Variants in ADAMTSL1 observed in about 807,000 individuals in gnomAD.
The protein encoded by ADAMTSL1 is ADAMTS-like protein 1.
A neutral mutation model predicts 201.8 loss-of-function variants in ADAMTSL1; 126 were observed. The ratio of observed to expected loss-of-function variants is 0.62; its 90% confidence interval spans 0.54 to 0.72. ADAMTSL1 has a LOEUF of 0.72. Ranked by LOEUF, ADAMTSL1 falls within the 30% of genes least tolerant of loss-of-function variation. The pLI, the probability that ADAMTSL1 is intolerant of heterozygous loss-of-function variation, is 0.00. For missense variants in ADAMTSL1, 2,679 were observed against 2,277.8 expected (o/e 1.18, Z -3.59); for synonymous variants, 1,121 against 903.4 (o/e 1.24, Z -4.32).
intron 2 of ADAMTSL1, among the ~76,000 whole-genome samples, chr9:18,520,045 A>G (rs900592359): frequency 6.6e-6 from 1 of 152,192 alleles, no homozygotes; most frequent in Admixed American, 6.5e-5. Context: ...ATTGGCAGTG[A>G]TTTTTCTAGT....
At chr9:18,497,445 A>C (rs1421227518) in intron 1 of ADAMTSL1, among the ~76,000 whole-genome samples, 1 of 152,198 alleles carries the variant, frequency 6.6e-6, no homozygotes, top group Non-Finnish European at 1.5e-5. Flanking sequence ...TTATTATCAC[A>C]GAAAAAGAGA....
chr9:18,379,097 A>C (rs867694873), intron 2 of ADAMTSL1, among the ~76,000 whole-genome samples: 6 of 152,218 alleles, frequency 3.9e-5, no homozygotes, highest in Admixed American at 3.3e-4. Flanking sequence ...GAAAGTAAGA[A>C]GGGTAGTCAC....
intron 2 of ADAMTSL1, among the ~76,000 whole-genome samples, chr9:18,448,692 CTT>C (rs1319981797): frequency 6.6e-6 from 1 of 152,060 alleles, no homozygotes. Context: ...ATCTCATTTT[CTT>C]TTCTCTTTAG....
intron 16 of ADAMTSL1, 128 bp downstream of exon 16, chr9:18,753,636 T>A (rs1290163676): frequency 9.8e-7 from 1 of 1,024,600 alleles, no homozygotes; most frequent in Non-Finnish European, 1.5e-6. Context: ...ATTTCTCCCT[T>A]CTTAGTACTC....
chr9:18,245,861 T>C (rs1831242038), intron 2 of ADAMTSL1, among the ~76,000 whole-genome samples: 1 of 152,188 alleles, frequency 6.6e-6, no homozygotes, highest in Admixed American at 6.5e-5. Flanking sequence ...CATTTTTTGG[T>C]TGTCCTTTGC....
chr9:18,847,191 G>A (rs111688434), intron 23 of ADAMTSL1, among the ~76,000 whole-genome samples: 4 of 152,182 alleles, frequency 2.6e-5, no homozygotes, highest in African/African-American at 9.7e-5. Context: ...TCTATAGGCT[G>A]CACAGGAAAT....
At chr9:18,625,112 A>G (rs1006239015) in intron 5 of ADAMTSL1, among the ~76,000 whole-genome samples, 4 of 152,198 alleles carry the variant, frequency 2.6e-5, no homozygotes, top group Non-Finnish European at 4.4e-5. Flanking sequence ...GGCCCAGTGG[A>G]GAAGCCAGGT....
At position 18,013,999 on chromosome 9, in the gene ADAMTSL1, G is replaced by T. The variant is rs1053528156; in HGVS notation, c.87+107077G>T. Among the ~76,000 whole-genome samples, 4 of 151,990 alleles carry T rather than the reference G, an allele frequency of 2.6e-5. No homozygotes were observed. In the South Asian group the frequency reaches 6.2e-4, roughly 24 times the overall value. On this transcript the variant is annotated intron_variant, in intron 1 of 29. Coordinates refer to the ADAMTSL1 transcript ENST00000680146. ...CTTTTGAAATCTGTTCCCTCAGAAG[G>T]TTTTCTCATGCCACCTTCCAGAGAT...
chr9:18,531,553 T>G (rs1819447151), intron 2 of ADAMTSL1, among the ~76,000 whole-genome samples: 1 of 152,190 alleles, frequency 6.6e-6, no homozygotes, highest in Non-Finnish European at 1.5e-5. Flanking sequence ...CTGATTACAG[T>G]CAAGTCTTTA....
intron 13 of ADAMTSL1, among the ~76,000 whole-genome samples, chr9:18,687,992 T>G (rs1274747495): frequency 6.6e-6 from 1 of 152,074 alleles, no homozygotes; most frequent in Non-Finnish European, 1.5e-5. Context: ...AAGCTGAATC[T>G]TCAACTCAAA....
intron 15 of ADAMTSL1, among the ~76,000 whole-genome samples, chr9:18,725,764 C>A (rs1035130233): frequency 6.6e-6 from 1 of 152,116 alleles, no homozygotes; most frequent in Non-Finnish European, 1.5e-5. Flanking sequence ...CCAGAGATAA[C>A]CATTGTTAAT....
intron 2 of ADAMTSL1, among the ~76,000 whole-genome samples, chr9:18,227,513 C>CAAGCTGTGTTTG (rs1399266986): frequency 1.3e-5 from 2 of 152,154 alleles, no homozygotes; most frequent in Non-Finnish European, 2.9e-5. Context: ...ACCTTAGAAA[C>CAAGCTGTGTTTG]AAGCTGTGTT....
chr9:18,397,383 G>C (rs1817797676), intron 2 of ADAMTSL1, among the ~76,000 whole-genome samples: 1 of 151,948 alleles, frequency 6.6e-6, no homozygotes, highest in African/African-American at 2.4e-5. Flanking sequence ...TGATACCATT[G>C]AATCCATGAT....
intron 13 of ADAMTSL1, among the ~76,000 whole-genome samples, chr9:18,687,190 A>G (rs961633497): frequency 1.3e-5 from 2 of 152,216 alleles, no homozygotes; most frequent in Non-Finnish European, 2.9e-5. Context: ...AATACACTTT[A>G]TGTGTTTAGT....
chr9:18,502,538 C>T (rs1204767332), intron 1 of ADAMTSL1, among the ~76,000 whole-genome samples: 3 of 152,156 alleles, frequency 2.0e-5, no homozygotes, highest in Non-Finnish European at 4.4e-5. Context: ...TTTTCTCTCT[C>T]ATTGTTTAAG....
chr9:18,735,688 G>A (rs932300992), intron 15 of ADAMTSL1, among the ~76,000 whole-genome samples: 7 of 151,528 alleles, frequency 4.6e-5, no homozygotes, highest in South Asian at 4.2e-4. Flanking sequence ...GGAGGACACC[G>A]TAGATCATTA....
chr9:18,030,133 A>G (rs1820882163), intron 1 of ADAMTSL1, among the ~76,000 whole-genome samples: 2 of 152,346 alleles, frequency 1.3e-5, no homozygotes, highest in African/African-American at 4.8e-5. Flanking sequence ...AATAGCAAAG[A>G]CTTGGAACCA....
intron 1 of ADAMTSL1, among the ~76,000 whole-genome samples, chr9:17,925,949 G>T (rs917906159): frequency 1.3e-5 from 2 of 151,844 alleles, no homozygotes; most frequent in South Asian, 2.1e-4. Flanking sequence ...CTCCCCAAGC[G>T]CAATGTAGCA....
chr9:18,349,775 C>G (rs1276029398), intron 2 of ADAMTSL1, among the ~76,000 whole-genome samples: 1 of 152,094 alleles, frequency 6.6e-6, no homozygotes, highest in East Asian at 1.9e-4. Flanking sequence ...AAACACAAGA[C>G]TGGACTGCAG....
Sources: allele counts gnomAD v4.1 joint callset (sites outside exome capture counted in the v4.1 genomes callset), GRCh38; gene constraint gnomAD v4.1.1; transcripts MANE v1.5; gene names NCBI Gene and HGNC (gene_info 2026-07-23, HGNC 2026-07-21).